CYP11A1: variants seen among roughly 807,000 people sequenced by gnomAD.
The protein encoded by CYP11A1 is cytochrome P450 family 11 subfamily A member 1, also known as cholesterol side-chain cleavage enzyme, mitochondrial.
In CYP11A1, 25 loss-of-function variants were observed where a neutral mutation model predicts 51.9. The ratio of observed to expected loss-of-function variants is 0.48; its 90% CI spans 0.35 to 0.67. The LOEUF (loss-of-function observed/expected upper bound fraction) is 0.67, where lower values mean the gene tolerates loss of function less well. Among genes scored for constraint, CYP11A1 ranks in the 30% least tolerant of loss-of-function variants. The pLI is 0.00. For missense variants in CYP11A1, 578 were observed against 680.9 expected (o/e 0.85, Z 1.68); for synonymous variants, 245 against 262.1 (o/e 0.93, Z 0.63).
At chr15:74,338,477 T>C (rs1166269087) in intron 8 of CYP11A1, 94 bp downstream of exon 8, 3 of 1,320,788 alleles carry the variant, frequency 2.3e-6, no homozygotes, top group African/African-American at 1.4e-5. Flanking sequence ...ACTGACATCC[T>C]TGGGCTCTGG....
At chr15:74,342,936 G>A in intron 5 of CYP11A1, 41 bp downstream of exon 5, 3 of 1,608,580 alleles carry the variant, frequency 1.9e-6, no homozygotes, top group Non-Finnish European at 2.5e-6. Flanking sequence ...GGGCACGTGG[G>A]CACAGGGGGC....
chr15:74,339,097 C>A, intron 7 of CYP11A1, 140 bp downstream of exon 7: 1 of 766,332 alleles, frequency 1.3e-6, no homozygotes, highest in Non-Finnish European at 2.3e-6. Context: ...ACCATGCCCA[C>A]CACCTCTGCC....
chr15:74,348,375 C>G (rs759375969), intron 1 of CYP11A1: 1 of 383,090 alleles, frequency 2.6e-6, no homozygotes, highest in African/African-American at 2.0e-5. Flanking sequence ...CACCCCCGAG[C>G]CTTCCATGGA....
At position 74,365,795 on chromosome 15, in the gene CYP11A1, G is replaced by A. The variant is rs961016958; in HGVS notation, c.269+1522C>T. The A allele has an allele frequency of 1.5e-5, 15 of 985,474 alleles. No homozygotes were observed. The African/African-American group carries it at 2.6e-4, about 17-fold the overall frequency. 61.0% of individuals were successfully genotyped at this position (985,474 alleles called of 1,614,324 possible). On this transcript the variant is annotated intron_variant, in intron 1 of 8. Coordinates refer to ENST00000268053, the MANE Select transcript of CYP11A1 (RefSeq NM_000781.3). ...CGAGCGAGGGCAGAGGCCAGCAGAG[G>A]CGAGGAGTGGATGCTGCAGGGCCGC...
intron 1 of CYP11A1, among the ~76,000 whole-genome samples, chr15:74,358,328 T>C (rs578059150): frequency 6.6e-6 from 1 of 152,336 alleles, no homozygotes; most frequent in East Asian, 1.9e-4. Context: ...CCTATCAATC[T>C]CTTCCCACAC....
intron 1 of CYP11A1, among the ~76,000 whole-genome samples, chr15:74,360,065 C>G (rs976636122): frequency 6.6e-6 from 1 of 152,172 alleles, no homozygotes; most frequent in African/African-American, 2.4e-5. Flanking sequence ...ATACAGTTGT[C>G]TTCAAAATGT....
At position 74,345,045 on chromosome 15, in the gene CYP11A1, C is replaced by T. The variant is rs1366599694; in HGVS notation, c.624G>A (p.Glu208=). ...ISDDLFRFAF[E]SITNVIFGER... is the part of the protein sequence containing the mutation. ...CCAGCCAGGTGCAAGCCCCCTTACA[C>T]TCAAAGGCAAAGCGGAACAGGTCAT... Residue 208 remains glutamate, a splice_region_variant and synonymous_variant, in exon 3 of 9, where the codon GAG becomes GAA. Transcript: ENST00000268053. This position sits in a 1 kb window ranked among gnomAD's most constrained non-coding sequence, Gnocchi z 4.3. 8 of 1,614,006 alleles carry T rather than the reference C, an allele frequency of 5.0e-6. No homozygotes were observed. The Admixed American group carries it at 1.3e-4, about 27-fold the overall frequency.
chr15:74,357,298 TC>T (rs899423150), intron 1 of CYP11A1, among the ~76,000 whole-genome samples: 8 of 152,328 alleles, frequency 5.3e-5, no homozygotes, highest in African/African-American at 1.9e-4. Context: ...CTGCAAGTCT[TC>T]ACGGACAGGC....
intron 8 of CYP11A1, 95 bp from the exon 9 acceptor site, chr15:74,338,198 G>C: frequency 6.1e-6 from 9 of 1,469,144 alleles, no homozygotes; most frequent in Non-Finnish European, 8.5e-6. Context: ...TGTGGAGTGT[G>C]ATTTGAGGAG....
At chr15:74,358,775 G>A (rs1407833481) in intron 1 of CYP11A1, among the ~76,000 whole-genome samples, 2 of 152,164 alleles carry the variant, frequency 1.3e-5, no homozygotes, top group Non-Finnish European at 2.9e-5. Context: ...CCTCTATACA[G>A]TCTGATAACA....
At position 74,339,739 on chromosome 15, in the gene CYP11A1, C is replaced by T; in HGVS notation, c.1005G>A (p.Leu335=). The T allele has an allele frequency of 1.9e-6, 3 of 1,614,164 alleles. No homozygotes were observed. The highest frequency in any genetic ancestry group is 4.5e-5 in the East Asian group (2 of 44,890). ...AGGVDTTSMT[L]QWHLYEMARN... is the part of the protein sequence containing the mutation. ...GTGCCATCTCATACAAGTGCCACTG[C>T]AGGGTCATGGACGTCTGGTGGGGAG... The change falls in exon 6 of 9, where the codon CTG becomes CTA. Residue 335 remains leucine, a synonymous_variant. Coordinates refer to ENST00000268053, the MANE Select transcript of CYP11A1 (RefSeq NM_000781.3).
chr15:74,350,087 A>G (rs572851911), intron 1 of CYP11A1: 16 of 374,598 alleles, frequency 4.3e-5, no homozygotes, highest in African/African-American at 2.0e-4. Context: ...ATTTTATATT[A>G]GAGAGAGAAA....
chr15:74,345,335 A>G lies in CYP11A1; in HGVS notation c.426-92T>C. 7.1e-7 allele frequency: 1 copy of G among 1,403,646 alleles called. No homozygotes were observed. The highest frequency in any genetic ancestry group is 1.0e-6 in the Non-Finnish European group (1 of 1,003,326). The allele number at this position is 1,403,646 out of a possible 1,614,324, so 86.9% of individuals were successfully genotyped here. On this transcript the variant is annotated intron_variant, in intron 2 of 8. Coordinates refer to ENST00000268053, the MANE Select transcript of CYP11A1 (RefSeq NM_000781.3). The surrounding 1 kb of genome is among the most constrained non-coding windows in gnomAD (Gnocchi z 4.3). The stretch of plus-strand genomic sequence containing the variant: ...CTGACTCAGTTTTCCCAGGAAGCTG[A>G]GTCACAGCTCACAGCATCCAGCACT...
At chr15:74,347,180 G>T (rs529804722) in intron 2 of CYP11A1, among the ~76,000 whole-genome samples, 1 of 152,124 alleles carries the variant, frequency 6.6e-6, no homozygotes, top group East Asian at 2.0e-4. Flanking sequence ...AGGCTGAAGC[G>T]GGAAGATTGC....
chr15:74,345,387 T>C lies in CYP11A1; in HGVS notation c.426-144A>G. The C allele has an allele frequency of 1.3e-6, 1 of 795,514 alleles. No homozygotes were observed. The highest frequency in any genetic ancestry group is 2.1e-6 in the Non-Finnish European group (1 of 469,518). The allele number at this position is 795,514 out of a possible 1,614,324, so 49.3% of individuals were successfully genotyped here. On this transcript the variant is annotated intron_variant, in intron 2 of 8. Coordinates refer to ENST00000268053, the MANE Select transcript of CYP11A1 (RefSeq NM_000781.3). The surrounding 1 kb of genome is among the most constrained non-coding windows in gnomAD (Gnocchi z 4.3). Reference sequence around the variant, plus strand: ...CCACCAGGGCCTCTGCCCTCACCTCTCCGAGCACCCTCTGCCTCTCACCTC... The same window carrying C: ...CCACCAGGGCCTCTGCCCTCACCTCCCCGAGCACCCTCTGCCTCTCACCTC...
chr15:74,347,628 C>G (rs1380258645), intron 2 of CYP11A1, among the ~76,000 whole-genome samples: 2 of 152,168 alleles, frequency 1.3e-5, no homozygotes, highest in East Asian at 3.8e-4. Flanking sequence ...AGTGAGCAAA[C>G]CAGTCAGTGA....
rs1315536282 is a variant in CYP11A1, at chr15:74,343,881, G to C, written c.737C>G (p.Pro246Arg). ...CAGGTCTGGGGGAAGGTTGAGCATGGGGACGCTGGTGTGGAACATCTGGTA... is the reference window on the plus strand; with the variant it reads ...CAGGTCTGGGGGAAGGTTGAGCATGCGGACGCTGGTGTGGAACATCTGGTA... The part of the protein sequence containing the change: ...AIYQMFHTSV[P>R]MLNLPPDLFR... Residue 246 changes from proline to arginine, a missense_variant, in exon 4 of 9, where the codon CCC (proline) becomes CGC (arginine). Pro to Arg is a moderately radical substitution (Grantham distance 103). Coordinates refer to ENST00000268053, the MANE Select transcript of CYP11A1 (RefSeq NM_000781.3). The C allele has an allele frequency of 5.6e-6, 9 of 1,613,880 alleles. No individual in the cohort carries two copies. The Admixed American group carries it at 1.3e-4, about 24-fold the overall frequency.
In CYP11A1 at chr15:74,347,768, C is replaced by T. The variant is rs1484215; in HGVS notation, c.425+132G>A. On this transcript the variant is annotated intron_variant, in intron 2 of 8. Transcript: ENST00000268053. ...TTGTTTTAGGGAGGCAGGAAAATGA[C>T]GGGGATTCACCTAGAGGCCCTGCTA... 60,558 of 790,358 alleles carry T rather than the reference C, an allele frequency of 0.077. 3,144 individuals carry two copies. Among genetic ancestry groups the T allele is most frequent in the South Asian group, 0.17 (11,002 of 63,040 alleles). 49.0% of individuals were successfully genotyped at this position (790,358 alleles called of 1,614,324 possible).
intron 1 of CYP11A1, among the ~76,000 whole-genome samples, chr15:74,348,998 T>C (rs968523175): frequency 6.6e-6 from 1 of 152,226 alleles, no homozygotes; most frequent in South Asian, 2.1e-4. Flanking sequence ...AGTGCTGGGA[T>C]GGCAGGTTTG....
Sources: gnomAD v4.1 joint callset for allele counts (sites outside exome capture counted in the v4.1 genomes callset) on GRCh38, gnomAD v4.1.1 for gene constraint, Gnocchi (gnomAD v3.1) non-coding constraint, MANE v1.5 for transcripts, NCBI Gene and HGNC (gene_info 2026-07-23, HGNC 2026-07-21) for gene names.